SCAPER: variants seen among roughly 807,000 people sequenced by gnomAD.
The protein encoded by SCAPER is S phase cyclin A-associated protein in the endoplasmic reticulum.
SCAPER carries 98 observed loss-of-function variants against 182.2 expected under a neutral mutation model. The ratio of observed to expected loss-of-function variants is 0.54; its 90% CI spans 0.46 to 0.64. SCAPER has a LOEUF of 0.64. SCAPER is among the 30% of genes least tolerant of loss of function. The probability of loss-of-function intolerance (pLI) is 0.00; values close to 1 mark genes in which losing one functional copy is unlikely to be tolerated. For synonymous variants in SCAPER, 605 were observed against 564.6 expected (o/e 1.07, Z -1.01); for missense variants, 1,432 against 1,690.0 (o/e 0.85, Z 2.68).
chr15:76,596,745 C>T lies in SCAPER; in HGVS notation c.2712-22461G>A, dbSNP rs1440734492. On this transcript the variant is annotated intron_variant, in intron 22 of 31. Coordinates refer to ENST00000563290, the MANE Select transcript of SCAPER (RefSeq NM_020843.4). ...TCTCAATAGATGCAGAAAAGGCCTT[C>T]GATAAAATTCAAAACCCTTCATGCT... Among the ~76,000 whole-genome samples, 7 of 119,870 alleles carry T rather than the reference C, an allele frequency of 5.8e-5. 1 individual carries two copies. Among genetic ancestry groups the T allele is most frequent in the African/African-American group, 1.5e-4 (6 of 39,528 alleles). 78.6% of individuals were successfully genotyped at this position (119,870 alleles called of 152,430 possible).
intron 29 of SCAPER, among the ~76,000 whole-genome samples, chr15:76,355,473 A>G (rs189388652): frequency 1.8e-3 from 267 of 152,350 alleles, no homozygotes; most frequent in African/African-American, 6.3e-3. Context: ...TTTAACTATT[A>G]GCTGCAAATT....
rs1445954081 is a variant in SCAPER, at chr15:76,593,566, G to A, written c.2712-19282C>T. Among the ~76,000 whole-genome samples the A allele has an allele frequency of 3.3e-5, 4 of 120,822 alleles. 1 individual carries two copies. Among genetic ancestry groups the A allele is most frequent in the Non-Finnish European group, 4.0e-5 (2 of 49,564 alleles). 79.3% of individuals were successfully genotyped at this position (120,822 alleles called of 152,430 possible). A position where few individuals can be genotyped will look rare whatever the true frequency, so the allele number is the denominator to read the frequency against. ...CAAGGGGTCAACAAACACCTCATAC[G>A]GGAGAGCTCTGGCTGGGATCTGGTG... is the stretch of plus-strand genomic sequence containing the variant. On this transcript the variant is annotated intron_variant, in intron 22 of 31. Coordinates refer to ENST00000563290, the MANE Select transcript of SCAPER (RefSeq NM_020843.4).
intron 20 of SCAPER, among the ~76,000 whole-genome samples, chr15:76,670,626 T>G (rs1413698655): frequency 1.3e-5 from 2 of 152,176 alleles, no homozygotes; most frequent in African/African-American, 4.8e-5. Flanking sequence ...AAATGGGAAT[T>G]AATTTATGTC....
At chr15:76,509,484 C>G (rs1208743051) in intron 23 of SCAPER, among the ~76,000 whole-genome samples, 1 of 152,172 alleles carries the variant, frequency 6.6e-6, no homozygotes, top group Admixed American at 6.6e-5. Context: ...CACTGCTTCC[C>G]AAACTCTATC....
At chr15:76,573,489 A>G (rs920797199) in intron 23 of SCAPER, among the ~76,000 whole-genome samples, 1 of 152,148 alleles carries the variant, frequency 6.6e-6, no homozygotes, top group Non-Finnish European at 1.5e-5. Flanking sequence ...CCACCTAAAT[A>G]TTATACATTA....
chr15:76,803,856 T>C (rs926773920), intron 6 of SCAPER, among the ~76,000 whole-genome samples: 6 of 152,226 alleles, frequency 3.9e-5, no homozygotes, highest in East Asian at 1.9e-4. Flanking sequence ...GCATGTACTA[T>C]GTACTTCATG....
rs1353585171 is a variant in SCAPER at position 76,857,872 on chromosome 15, A to G, written c.132T>C (p.Pro44=). 6.5e-7 allele frequency: 1 copy of G among 1,545,860 alleles called. No individual in the cohort carries two copies. Among genetic ancestry groups the G allele is most frequent in the East Asian group, 2.5e-5 (1 of 40,664 alleles). The change falls in exon 4 of 32, where the codon CCT becomes CCC. Residue 44 remains proline (P), a synonymous_variant. Transcript: ENST00000563290. The part of the protein sequence containing the change: ...PLESKDDDGK[P]KCQTGGKSKR... ...TAGATTTTCCACCAGTTTGACATTT[A>G]GGTTTTCCTTCAAGGCAAGAAAAAA...
At chr15:76,810,509 A>C (rs1026667202) in intron 5 of SCAPER, among the ~76,000 whole-genome samples, 17 of 149,764 alleles carry the variant, frequency 1.1e-4, no homozygotes, top group African/African-American at 3.7e-4. Flanking sequence ...TACACAAAAG[A>C]AAGAGGAAGG....
chr15:76,406,558 G>T (rs2044849780), intron 26 of SCAPER, among the ~76,000 whole-genome samples: 1 of 151,952 alleles, frequency 6.6e-6, no homozygotes, highest in African/African-American at 2.4e-5. Flanking sequence ...TGAGGCAGGA[G>T]GATTGCTTGA....
At chr15:76,424,540 A>G (rs2046282608) in intron 26 of SCAPER, among the ~76,000 whole-genome samples, 1 of 152,196 alleles carries the variant, frequency 6.6e-6, no homozygotes, top group African/African-American at 2.4e-5. Flanking sequence ...TCTACTGAAT[A>G]CAGCACATTG....
chr15:76,810,219 CAGT>C (rs1187571134), intron 5 of SCAPER, among the ~76,000 whole-genome samples: 1 of 151,832 alleles, frequency 6.6e-6, no homozygotes, highest in Non-Finnish European at 1.5e-5. Context: ...ATGACTATAA[CAGT>C]GGTGGGCATA....
At chr15:76,832,553 T>C (rs2151722680) in intron 5 of SCAPER, among the ~76,000 whole-genome samples, 1 of 152,268 alleles carries the variant, frequency 6.6e-6, no homozygotes, top group Middle Eastern at 3.4e-3. Flanking sequence ...GGAAAACATA[T>C]TTGAGGAATT....
intron 1 of SCAPER, among the ~76,000 whole-genome samples, chr15:76,884,952 C>A (rs564925833): frequency 7.9e-5 from 12 of 152,276 alleles, no homozygotes; most frequent in African/African-American, 2.9e-4. Context: ...ATTCCACATA[C>A]GTGAAATGTC....
intron 27 of SCAPER, among the ~76,000 whole-genome samples, chr15:76,383,125 C>A (rs1279060405): frequency 6.9e-6 from 1 of 143,912 alleles, no homozygotes; most frequent in Admixed American, 7.0e-5. Context: ...CACACCTACA[C>A]ACACATATAT....
rs2075001850 is a variant in SCAPER, at chr15:76,905,207, G to A, written c.-60+92C>T. 4 of 166,106 alleles carry A rather than the reference G, an allele frequency of 2.4e-5. No homozygotes were observed. The South Asian group carries it at 4.1e-4, about 17-fold the overall frequency. 10.3% of individuals were successfully genotyped at this position (166,106 alleles called of 1,614,324 possible). ...AAAGGGCGTACCCCGCCGCCATTTT[G>A]TCCCCTGGTCCCCGCAAGGCATTCA... On this transcript the variant is annotated intron_variant, in intron 1 of 31. Coordinates refer to ENST00000563290, the MANE Select transcript of SCAPER (RefSeq NM_020843.4).
chr15:76,594,014 A>G (rs1451306963), intron 22 of SCAPER, among the ~76,000 whole-genome samples: 1 of 120,246 alleles, frequency 8.3e-6, no homozygotes, highest in Non-Finnish European at 2.0e-5. Context: ...AAGGTGGGTA[A>G]TAACAAACTC....
At chr15:76,413,329 TA>T (rs1260030641) in intron 26 of SCAPER, among the ~76,000 whole-genome samples, 3 of 152,200 alleles carry the variant, frequency 2.0e-5, no homozygotes, top group Non-Finnish European at 4.4e-5. Flanking sequence ...AAGTGTTTAT[TA>T]TTATGTACGA....
At chr15:76,861,607 A>ATT (rs938735344) in intron 3 of SCAPER, among the ~76,000 whole-genome samples, 3 of 152,194 alleles carry the variant, frequency 2.0e-5, no homozygotes, top group Admixed American at 2.0e-4. Context: ...GGTAGAGATG[A>ATT]TTTTTTTTCT....
chr15:76,628,044 T>C (rs2052749963), intron 21 of SCAPER, among the ~76,000 whole-genome samples: 1 of 152,244 alleles, frequency 6.6e-6, no homozygotes, highest in South Asian at 2.1e-4. Flanking sequence ...TGATCAGTGA[T>C]GTTGAGCTTT....
Sources: gnomAD v4.1 joint callset for allele counts (sites outside exome capture counted in the v4.1 genomes callset) on GRCh38, gnomAD v4.1.1 for gene constraint, MANE v1.5 for transcripts, NCBI Gene and HGNC (gene_info 2026-07-23, HGNC 2026-07-21) for gene names.